The following ADGRG4 variants were observed in gnomAD, a reference collection of about 807,000 sequenced individuals.
ADGRG4 encodes the protein adhesion G protein-coupled receptor G4.
A neutral mutation model predicts 126.2 loss-of-function variants in ADGRG4; 122 were observed. The ratio of observed to expected loss-of-function variants is 0.97; its 90% confidence interval spans 0.83 to 1.12. ADGRG4 has a LOEUF of 1.12. Among genes scored for constraint, ADGRG4 ranks in the 50% most tolerant of loss-of-function variants. The pLI is 0.00. For missense variants in ADGRG4, 2,481 were observed against 2,251.8 expected (o/e 1.10, Z -2.06); for synonymous variants, 943 against 838.7 (o/e 1.12, Z -2.15).
At chrX:136,305,062 G>C (rs1449391265) in intron 3 of ADGRG4, 39 bp downstream of exon 3, 1 of 112,114 alleles carries the variant, frequency 8.9e-6, no homozygotes, top group Non-Finnish European at 1.9e-5. Flanking sequence ...TGAGGACACT[G>C]GGGGCTCCAG....
intron 23 of ADGRG4, among the ~76,000 whole-genome samples, chrX:136,409,048 GACACACACACACACACACACAC>G (rs71995144): frequency 1.1e-5 from 1 of 90,865 alleles, no homozygotes; most frequent in Non-Finnish European, 2.2e-5. Context: ...TCAAATTCAA[GACACACACACACACACACACAC>G]ACACACACAC....
intron 14 of ADGRG4, 33 bp downstream of exon 14, chrX:136,371,577 T>G: frequency 1.1e-6 from 1 of 909,302 alleles, no homozygotes. Flanking sequence ...AAGACATTAT[T>G]TTTAAAAAAT....
Position 136,348,169 on chromosome X carries a change from C to A in ADGRG4, c.4463C>A (p.Ala1488Asp). 1 of 1,207,965 alleles carries A rather than the reference C, an allele frequency of 8.3e-7. No individual in the cohort carries two copies. Among genetic ancestry groups the A allele is most frequent in the Non-Finnish European group, 1.1e-6 (1 of 892,374 alleles). The change falls in exon 6 of 26, where the codon GCC (alanine) becomes GAC (aspartate). Residue 1488 changes from alanine to aspartate, a missense_variant. Transcript: ENST00000394143. ...GTTCTCTCCGACAGGATCACTACAG[C>A]CTTTTCTGTTCCAAATGTACCTACA... is the stretch of plus-strand genomic sequence containing the variant. Reference protein sequence around the residue: ...FTVLSDRITTAFSVPNVPTML... With the variant: ...FTVLSDRITTDFSVPNVPTML...
At position 136,345,522 on chromosome X, in the gene ADGRG4, C is replaced by T. The variant is rs755621924; in HGVS notation, c.1816C>T (p.Arg606Ter). 4.9e-5 allele frequency: 59 copies of T among 1,207,999 alleles called. No homozygotes were observed. Among genetic ancestry groups the T allele is most frequent in the African/African-American group, 8.8e-5 (5 of 56,970 alleles). Residue 606 changes from arginine (R) to a stop codon, truncating the protein, a stop_gained, in exon 6 of 26, where the codon CGA becomes TGA. Coordinates refer to ENST00000394143, the MANE Select transcript of ADGRG4 (RefSeq NM_153834.4). LOFTEE classifies it high-confidence loss of function. ...TATGCTTTCCTCCACAATCACAGGA[C>T]GAGTTTACACCCAGAATACACCTAC... Reference protein sequence around the residue: ...ETMLSSTITGRVYTQNTPTAD... With the variant: ...ETMLSSTITG
rs1466872406 is a variant in ADGRG4 at position 136,372,974 on chromosome X, C to T, written c.7686C>T (p.Ala2562=). 22 of 1,210,750 alleles carry T rather than the reference C, an allele frequency of 1.8e-5. No homozygotes were observed. The highest frequency in any genetic ancestry group is 5.3e-5 in the South Asian group (3 of 56,923). The stretch of plus-strand genomic sequence containing the variant: ...GGCAGATAGCAAATCTGACGGTGGC[C>T]GGGCTGGCTTTGGCTGTGCTGCGGG... ...FSGQIANLTV[A]GLALAVLRGD... The change falls in exon 15 of 26, where the codon GCC becomes GCT. Residue 2562 remains alanine, a synonymous_variant. Coordinates refer to ENST00000394143, the MANE Select transcript of ADGRG4 (RefSeq NM_153834.4).
intron 5 of ADGRG4, among the ~76,000 whole-genome samples, chrX:136,324,758 T>C (rs888336863): frequency 1.3e-4 from 15 of 112,221 alleles, no homozygotes; most frequent in African/African-American, 4.5e-4. Context: ...GAGCATTTTC[T>C]TACTCTCTGG....
At chrX:136,315,948 A>G (rs2074802548) in intron 4 of ADGRG4, among the ~76,000 whole-genome samples, 1 of 111,840 alleles carries the variant, frequency 8.9e-6, no homozygotes, top group South Asian at 3.8e-4. Flanking sequence ...ATTCTCTCTC[A>G]CAGCTCTCAA....
chrX:136,401,904 G>T (rs1430773835), intron 21 of ADGRG4, among the ~76,000 whole-genome samples: 3 of 111,842 alleles, frequency 2.7e-5, no homozygotes, highest in Non-Finnish European at 3.8e-5. Flanking sequence ...GTGAGTAGGA[G>T]ATGGCCCCGG....
intron 5 of ADGRG4, among the ~76,000 whole-genome samples, chrX:136,333,838 C>T (rs1268232620): frequency 2.7e-5 from 3 of 112,125 alleles, no homozygotes; most frequent in Admixed American, 1.9e-4. Context: ...TTTATATGGG[C>T]TTTCACAGAA....
At chrX:136,389,207 T>A (rs1331788124) in intron 16 of ADGRG4, among the ~76,000 whole-genome samples, 1 of 111,674 alleles carries the variant, frequency 9.0e-6, no homozygotes, top group Non-Finnish European at 1.9e-5. Flanking sequence ...AGTAAGTGAG[T>A]CTCTGCTCTC....
At position 136,399,044 on chromosome X, in the gene ADGRG4, T is replaced by A. The variant is rs186439240; in HGVS notation, c.8307-804T>A. Among the ~76,000 whole-genome samples the A allele has an allele frequency of 3.8e-3, 431 of 112,371 alleles. 2 individuals are homozygous for A. The highest frequency in any genetic ancestry group is 6.5e-3 in the Admixed American group (69 of 10,630). ...GCCAGAAAAATAAGACAACGTACTGTGTGGTTCCATTTACAAAAAGTTCCA... is the reference window on the plus strand; with the variant it reads ...GCCAGAAAAATAAGACAACGTACTGAGTGGTTCCATTTACAAAAAGTTCCA... On this transcript the variant is annotated intron_variant, in intron 20 of 25. Transcript: ENST00000394143.
intron 5 of ADGRG4, among the ~76,000 whole-genome samples, chrX:136,342,915 T>A (rs867668412): frequency 1.2e-3 from 96 of 80,832 alleles, no homozygotes; most frequent in African/African-American, 3.9e-3. Context: ...TGTGTGTGTG[T>A]GTGTGTGAGA....
Position 136,349,997 on chromosome X carries a change from C to T in ADGRG4, c.6291C>T (p.Asp2097=). ...CTATGTCTATAAATGTCACAGATGACATTGTGTACATTTCCACACACCCTG... is the reference window on the plus strand; with the variant it reads ...CTATGTCTATAAATGTCACAGATGATATTGTGTACATTTCCACACACCCTG... ...SLPMSINVTD[D]IVYISTHPEA... The change falls in exon 6 of 26, where the codon GAC becomes GAT. Residue 2097 remains aspartate, a synonymous_variant. Coordinates refer to ENST00000394143, the MANE Select transcript of ADGRG4 (RefSeq NM_153834.4). The T allele has an allele frequency of 8.3e-7, 1 of 1,209,263 alleles. No individual in the cohort carries two copies. Among genetic ancestry groups the T allele is most frequent in the Non-Finnish European group, 1.1e-6 (1 of 893,529 alleles).
At chrX:136,413,834 G>A (rs1376849348) in intron 24 of ADGRG4, among the ~76,000 whole-genome samples, 1 of 108,771 alleles carries the variant, frequency 9.2e-6, no homozygotes, top group Non-Finnish European at 1.9e-5. Context: ...TCCGCCTCCC[G>A]GGTTCAAGTG....
Position 136,323,151 on chromosome X carries a change from A to G in ADGRG4, c.444A>G (p.Gln148=), listed in dbSNP as rs1414005259. Residue 148 remains glutamine (Q), a synonymous_variant, in exon 5 of 26, where the codon CAA becomes CAG. Coordinates refer to ENST00000394143, the MANE Select transcript of ADGRG4 (RefSeq NM_153834.4). ...NKERILEVTD[Q]PHNLTPHGTL... is the part of the protein sequence containing the mutation. Reference sequence around the variant, plus strand: ...AAAGGATACTGGAAGTAACGGATCAACCACACAACCTGACACCTCATGGGA... The same window carrying G: ...AAAGGATACTGGAAGTAACGGATCAGCCACACAACCTGACACCTCATGGGA... 1 of 1,211,976 alleles carries G rather than the reference A, an allele frequency of 8.3e-7. No individual in the cohort carries two copies. Among genetic ancestry groups the G allele is most frequent in the South Asian group, 1.8e-5 (1 of 56,990 alleles).
intron 20 of ADGRG4, among the ~76,000 whole-genome samples, chrX:136,399,295 G>A (rs987299215): frequency 7.1e-5 from 8 of 112,139 alleles, no homozygotes; most frequent in Admixed American, 1.9e-4. Flanking sequence ...CACACAAAAT[G>A]AAAACAGCAA....
intron 3 of ADGRG4, among the ~76,000 whole-genome samples, chrX:136,305,289 C>A (rs1449194831): frequency 8.9e-6 from 1 of 111,831 alleles, no homozygotes; most frequent in Non-Finnish European, 1.9e-5. Context: ...ACTGAATTTT[C>A]TGTTGAAGAT....
intron 19 of ADGRG4, among the ~76,000 whole-genome samples, chrX:136,396,812 C>T (rs1238476350): frequency 1.6e-4 from 15 of 94,451 alleles, no homozygotes; most frequent in South Asian, 5.5e-4. Flanking sequence ...TTTTTCTTAA[C>T]GGAGTCTTGC....
intron 23 of ADGRG4, among the ~76,000 whole-genome samples, chrX:136,411,409 G>C (rs184834465): frequency 1.1e-4 from 12 of 112,619 alleles, no homozygotes; most frequent in African/African-American, 3.9e-4. Flanking sequence ...GTGGGAATGA[G>C]AAATGGCCAG....
Sources: gnomAD v4.1 joint callset for allele counts (sites outside exome capture counted in the v4.1 genomes callset) on GRCh38, gnomAD v4.1.1 for gene constraint, MANE v1.5 for transcripts, NCBI Gene and HGNC (gene_info 2026-07-23, HGNC 2026-07-21) for gene names.